The following DGKI variants were observed in gnomAD, a reference collection of about 807,000 sequenced individuals.
DGKI encodes the protein diacylglycerol kinase iota, also known as DAG kinase iota.
In DGKI, 55 loss-of-function variants were observed where a neutral mutation model predicts 147.5. The observed-to-expected ratio is 0.37, with a 90% confidence interval of 0.30 to 0.47. The LOEUF (loss-of-function observed/expected upper bound fraction) is 0.47. DGKI is among the 20% of genes least tolerant of loss of function. DGKI has a pLI of 1.00. For missense variants in DGKI, 1,007 were observed against 1,323.8 expected (o/e 0.76, Z 3.71); for synonymous variants, 469 against 477.1 (o/e 0.98, Z 0.22).
chr7:137,728,218 C>T (rs118166437), intron 1 of DGKI, among the ~76,000 whole-genome samples: 2,153 of 152,180 alleles, frequency 0.014, 33 homozygotes, highest in Middle Eastern at 0.065. Flanking sequence ...TGTGGTCCAA[C>T]ACAGTGGTAA....
chr7:137,391,115 A>G lies in DGKI; in HGVS notation c.*105T>C, dbSNP rs1231774034. The G allele has an allele frequency of 1.1e-6, 1 of 884,718 alleles. No homozygotes were observed. Among genetic ancestry groups the G allele is most frequent in the Non-Finnish European group, 1.9e-6 (1 of 523,422 alleles). The allele number at this position is 884,718 out of a possible 1,614,324, so 54.8% of individuals were successfully genotyped here. On this transcript the variant is annotated 3_prime_UTR_variant, in exon 33 of 33. Coordinates refer to ENST00000614521, the MANE Select transcript of DGKI (RefSeq NM_001321708.2). ...TCTCAGGTAGATTCTTGCAGGAGAG[A>G]GACAGATATATGAATTCCATCAGCT...
intron 1 of DGKI, chr7:137,771,783 G>C (rs1796205069): frequency 6.6e-6 from 1 of 152,210 alleles, no homozygotes; most frequent in Non-Finnish European, 1.5e-5. Context: ...GAGTCTGGAA[G>C]CTTTGGCAGT....
intron 23 of DGKI, among the ~76,000 whole-genome samples, chr7:137,474,132 A>T (rs78668568): frequency 0.042 from 6,443 of 152,240 alleles, 353 homozygotes; most frequent in East Asian, 0.12. Context: ...AGTCATTTGA[A>T]TTCCAATGAA....
At chr7:137,402,643 G>A (rs1207225733) in intron 30 of DGKI, among the ~76,000 whole-genome samples, 1 of 152,122 alleles carries the variant, frequency 6.6e-6, no homozygotes, top group African/African-American at 2.4e-5. Flanking sequence ...AATCCCCTTT[G>A]CTATTCCTTC....
At chr7:137,638,529 C>CATATAT (rs1478009347) in intron 6 of DGKI, among the ~76,000 whole-genome samples, 1 of 108,812 alleles carries the variant, frequency 9.2e-6, no homozygotes, top group South Asian at 2.9e-4. Flanking sequence ...TATATATACA[C>CATATAT]ACACATATAT....
intron 1 of DGKI, among the ~76,000 whole-genome samples, chr7:137,751,604 G>T (rs981249425): frequency 1.3e-5 from 2 of 152,144 alleles, no homozygotes; most frequent in African/African-American, 4.8e-5. Flanking sequence ...ACTTTCTAAA[G>T]CATTGTTCTA....
intron 19 of DGKI, among the ~76,000 whole-genome samples, chr7:137,565,896 C>T (rs528797650): frequency 6.6e-6 from 1 of 152,228 alleles, no homozygotes; most frequent in Non-Finnish European, 1.5e-5. Flanking sequence ...GAATTGAAGA[C>T]TTCTACTTTG....
At chr7:137,568,406 G>T (rs1818666125) in intron 19 of DGKI, among the ~76,000 whole-genome samples, 1 of 152,214 alleles carries the variant, frequency 6.6e-6, no homozygotes, top group South Asian at 2.1e-4. Flanking sequence ...CCACAGTGGA[G>T]TGATGGATAT....
chr7:137,582,945 C>A (rs1819256894), intron 14 of DGKI, among the ~76,000 whole-genome samples: 1 of 152,088 alleles, frequency 6.6e-6, no homozygotes, highest in Admixed American at 6.6e-5. Flanking sequence ...TTGAACTGTA[C>A]CTGTCTTCTC....
chr7:137,582,035 A>AGAT, intron 14 of DGKI, 107 bp from the exon 15 acceptor site: 3 of 758,620 alleles, frequency 4.0e-6, no homozygotes, highest in Non-Finnish European at 6.5e-6. Flanking sequence ...CCTAGGAGAC[A>AGAT]GATCAGCCAC....
intron 1 of DGKI, among the ~76,000 whole-genome samples, chr7:137,829,065 C>A (rs1798146149): frequency 6.6e-6 from 1 of 152,196 alleles, no homozygotes; most frequent in Non-Finnish European, 1.5e-5. Flanking sequence ...GTGCAGCCAC[C>A]ACAAGCTGAA....
intron 17 of DGKI, among the ~76,000 whole-genome samples, chr7:137,573,733 T>C (rs1193110028): frequency 6.6e-6 from 1 of 152,218 alleles, no homozygotes; most frequent in Non-Finnish European, 1.5e-5. Context: ...TAAGATTCAC[T>C]GTCTTCCTGG....
chr7:137,647,200 T>A (rs1821856514), intron 5 of DGKI, among the ~76,000 whole-genome samples: 1 of 152,198 alleles, frequency 6.6e-6, no homozygotes, highest in Non-Finnish European at 1.5e-5. Context: ...TCATGAGAAT[T>A]TTCATGAGTA....
intron 6 of DGKI, among the ~76,000 whole-genome samples, chr7:137,632,803 G>C (rs1821179140): frequency 6.6e-6 from 1 of 152,080 alleles, no homozygotes; most frequent in Admixed American, 6.5e-5. Flanking sequence ...AGGCTGTAGT[G>C]AGCCGAGATC....
At chr7:137,838,746 A>G (rs1026188120) in intron 1 of DGKI, among the ~76,000 whole-genome samples, 1 of 152,212 alleles carries the variant, frequency 6.6e-6, no homozygotes, top group Non-Finnish European at 1.5e-5. Flanking sequence ...TTATTTGTCC[A>G]ACAAATATTT....
At position 137,387,133 on chromosome 7, in the gene DGKI, C is replaced by T. The variant is rs1811198638; in HGVS notation, c.*4087G>A. ...AGTAGCCTGCCCTAATTAAATATCA[C>T]TAGGCAACCTACTGAGTGTTAGTGT... On this transcript the variant is annotated 3_prime_UTR_variant, in exon 33 of 33. Coordinates refer to ENST00000614521, the MANE Select transcript of DGKI (RefSeq NM_001321708.2). The T allele has an allele frequency of 6.6e-6, 1 of 152,130 alleles. No homozygotes were observed. Among genetic ancestry groups the T allele is most frequent in the South Asian group, 2.1e-4 (1 of 4,828 alleles). The allele number at this position is 152,130 out of a possible 1,614,324, so 9.4% of individuals were successfully genotyped here.
chr7:137,573,650 C>A (rs1286940205), intron 17 of DGKI, among the ~76,000 whole-genome samples: 1 of 152,200 alleles, frequency 6.6e-6, no homozygotes, highest in Non-Finnish European at 1.5e-5. Context: ...GGTCATCCAC[C>A]CGCCTTGGCC....
chr7:137,398,292 G>A (rs913455892), intron 30 of DGKI, among the ~76,000 whole-genome samples: 6 of 152,118 alleles, frequency 3.9e-5, no homozygotes, highest in Admixed American at 6.5e-5. Flanking sequence ...ATCATGACAC[G>A]TAACAAACCG....
intron 1 of DGKI, among the ~76,000 whole-genome samples, chr7:137,775,765 CTT>C (rs1283273105): frequency 2.0e-5 from 3 of 152,168 alleles, no homozygotes; most frequent in Non-Finnish European, 4.4e-5. Flanking sequence ...GATAGATAAA[CTT>C]ATATCCATAT....
Sources: allele counts gnomAD v4.1 joint callset (sites outside exome capture counted in the v4.1 genomes callset), GRCh38; gene constraint gnomAD v4.1.1; transcripts MANE v1.5; gene names NCBI Gene and HGNC (gene_info 2026-07-23, HGNC 2026-07-21).